Variants in NBEAL1 observed in about 807,000 individuals in gnomAD.
NBEAL1 encodes neurobeachin like 1.
NBEAL1 carries 273 observed loss-of-function variants against 351.3 expected under a neutral mutation model. That is an observed-to-expected ratio of 0.78 (90% CI 0.70 to 0.86). The LOEUF (loss-of-function observed/expected upper bound fraction) is 0.86. NBEAL1 is among the 40% of genes least tolerant of loss of function. The pLI is 0.00. For missense variants in NBEAL1, 2,961 were observed against 3,201.3 expected (o/e 0.92, Z 1.81); for synonymous variants, 1,050 against 1,086.4 (o/e 0.97, Z 0.66).
At chr2:203,044,467 C>A (rs1477323023) in intron 3 of NBEAL1, among the ~76,000 whole-genome samples, 2 of 152,130 alleles carry the variant, frequency 1.3e-5, no homozygotes, top group African/African-American at 4.8e-5. Context: ...TCTAAAGTTT[C>A]TAAGGTGCAG....
At chr2:203,053,387 T>C (rs1488624551) in intron 4 of NBEAL1, among the ~76,000 whole-genome samples, 1 of 152,222 alleles carries the variant, frequency 6.6e-6, no homozygotes, top group Admixed American at 6.5e-5. Context: ...GAAGTGTCTA[T>C]TTAGATCTTT....
chr2:203,055,516 G>A (rs960314039), intron 4 of NBEAL1, among the ~76,000 whole-genome samples: 5 of 151,906 alleles, frequency 3.3e-5, no homozygotes, highest in African/African-American at 1.2e-4. Flanking sequence ...GGGGTGGGAG[G>A]ATTGCATGAG....
At chr2:203,093,450 T>C (rs989463962) in intron 10 of NBEAL1, among the ~76,000 whole-genome samples, 1 of 152,156 alleles carries the variant, frequency 6.6e-6, no homozygotes, top group African/African-American at 2.4e-5. Flanking sequence ...TAGGCCAAAG[T>C]TTATTAAAAT....
Position 203,209,201 on chromosome 2 carries a change from A to T in NBEAL1, c.7664A>T (p.Tyr2555Phe), listed in dbSNP as rs2065701365. Residue 2555 changes from tyrosine (Y) to phenylalanine (F), a missense_variant, in exon 53 of 56, where the codon TAC becomes TTC. Coordinates refer to ENST00000683969, the MANE Select transcript of NBEAL1 (RefSeq NM_001378026.1). ...ATACATACCATTCAGAAAGGTCAGT[A>T]CATGAGGACTTTACGACCACCTTGT... ...VIIHTIQKGQYMRTLRPPCES... is the reference protein window; with the variant it reads ...VIIHTIQKGQFMRTLRPPCES... 1 of 1,613,662 alleles carries T rather than the reference A, an allele frequency of 6.2e-7. No homozygotes were observed. Among genetic ancestry groups the T allele is most frequent in the Non-Finnish European group, 8.5e-7 (1 of 1,179,688 alleles).
intron 18 of NBEAL1, among the ~76,000 whole-genome samples, chr2:203,118,399 T>C (rs1241149376): frequency 6.6e-6 from 1 of 152,212 alleles, no homozygotes; most frequent in African/African-American, 2.4e-5. Flanking sequence ...TTGAGTCTTA[T>C]ATTTTTGTTT....
chr2:203,150,508 C>T (rs2063622397), intron 34 of NBEAL1, among the ~76,000 whole-genome samples: 1 of 151,872 alleles, frequency 6.6e-6, no homozygotes, highest in Admixed American at 6.6e-5. Flanking sequence ...TGTCTTTTCA[C>T]TTTATTAATA....
rs1037464577 is a variant in NBEAL1, at chr2:203,108,092, G to A, written c.1853G>A (p.Gly618Glu). ...ISVPPIQKWP[G>E]SAFSFSAWFC... Reference sequence around the variant, plus strand: ...GTGCCTCCCATACAGAAATGGCCAGGGTCTGCCTTTTCTTTCAGTGCTTGG... The same window carrying A: ...GTGCCTCCCATACAGAAATGGCCAGAGTCTGCCTTTTCTTTCAGTGCTTGG... Residue 618 changes from glycine to glutamate, a missense_variant, in exon 14 of 56, where the codon GGG becomes GAG. Gly to Glu is a moderately conservative substitution (Grantham distance 98). Coordinates refer to ENST00000683969, the MANE Select transcript of NBEAL1 (RefSeq NM_001378026.1). 4 of 1,552,052 alleles carry A rather than the reference G, an allele frequency of 2.6e-6. No individual in the cohort carries two copies. Among genetic ancestry groups the A allele is most frequent in the African/African-American group, 2.7e-5 (2 of 73,214 alleles).
rs1212896580 is a variant in NBEAL1, at chr2:203,219,970, G to A, written c.*2616G>A. ...TTAAAAGAAGCAAACAACTATTAGT[G>A]AATAATATATTACTCATTTAAAGAG... is the stretch of plus-strand genomic sequence containing the variant. On this transcript the variant is annotated 3_prime_UTR_variant, in exon 56 of 56. Coordinates refer to ENST00000683969, the MANE Select transcript of NBEAL1 (RefSeq NM_001378026.1). 2 of 152,084 alleles carry A rather than the reference G, an allele frequency of 1.3e-5. No homozygotes were observed. The highest frequency in any genetic ancestry group is 2.9e-5 in the Non-Finnish European group (2 of 68,018). The allele number at this position is 152,084 out of a possible 1,614,324, so 9.4% of individuals were successfully genotyped here.
intron 39 of NBEAL1, 149 bp downstream of exon 39, chr2:203,170,000 C>G: frequency 1.7e-6 from 1 of 577,108 alleles, no homozygotes; most frequent in Non-Finnish European, 3.1e-6. Context: ...CCTTTGTTTC[C>G]CTCACACAGA....
rs1398215399 is a variant in NBEAL1 at position 203,221,244 on chromosome 2, T to C, written c.*3890T>C. ...ATATTGTTACTACTAAAGAGACCAC[T>C]GAGGAAATCTTGTAATTGAACTTAA... is the stretch of plus-strand genomic sequence containing the variant. On this transcript the variant is annotated 3_prime_UTR_variant, in exon 56 of 56. Coordinates refer to ENST00000683969, the MANE Select transcript of NBEAL1 (RefSeq NM_001378026.1). Among the ~76,000 whole-genome samples the C allele has an allele frequency of 1.3e-5, 2 of 152,006 alleles. No homozygotes were observed. The highest frequency in any genetic ancestry group is 4.8e-5 in the African/African-American group (2 of 41,442).
chr2:203,213,709 C>G, intron 55 of NBEAL1, 56 bp downstream of exon 55: 1 of 1,601,276 alleles, frequency 6.2e-7, no homozygotes, highest in Non-Finnish European at 8.5e-7. Context: ...TACTTTGGTT[C>G]TCCTTCATTC....
chr2:203,204,331 T>G (rs1202412841), intron 51 of NBEAL1, among the ~76,000 whole-genome samples: 22 of 148,710 alleles, frequency 1.5e-4, no homozygotes, highest in African/African-American at 4.9e-4. Flanking sequence ...TTGGTTTTTT[T>G]TTTTTTTTTT....
rs1271244746 is a variant in NBEAL1, at chr2:203,219,062, A to G, written c.*1708A>G. 1 of 152,144 alleles carries G rather than the reference A, an allele frequency of 6.6e-6. No homozygotes were observed. Among genetic ancestry groups the G allele is most frequent in the Non-Finnish European group, 1.5e-5 (1 of 68,018 alleles). The allele number at this position is 152,144 out of a possible 1,614,324, so 9.4% of individuals were successfully genotyped here. ...TGATGCATAAATGAGACTGGCATCT[A>G]TTCATTTATTTTATTCTTTTTTGGG... On this transcript the variant is annotated 3_prime_UTR_variant, in exon 56 of 56. Coordinates refer to ENST00000683969, the MANE Select transcript of NBEAL1 (RefSeq NM_001378026.1).
At chr2:203,140,164 G>C (rs751983813) in intron 31 of NBEAL1, among the ~76,000 whole-genome samples, 1 of 151,968 alleles carries the variant, frequency 6.6e-6, no homozygotes. Context: ...TTAGCCGGGC[G>C]TGCTGGCGCA....
At chr2:203,181,647 T>C (rs1221048768) in intron 43 of NBEAL1, 3 of 152,176 alleles carry the variant, frequency 2.0e-5, no homozygotes, top group African/African-American at 7.2e-5. Flanking sequence ...TAACATGTAA[T>C]GTTAGTGTTT....
intron 2 of NBEAL1, among the ~76,000 whole-genome samples, chr2:203,039,565 T>A (rs1357637903): frequency 6.6e-6 from 1 of 151,030 alleles, no homozygotes; most frequent in East Asian, 1.9e-4. Flanking sequence ...GTCTAATTTT[T>A]GTATTTTTAG....
chr2:203,164,216 C>T (rs1234711790), intron 36 of NBEAL1, among the ~76,000 whole-genome samples: 1 of 151,864 alleles, frequency 6.6e-6, no homozygotes, highest in Non-Finnish European at 1.5e-5. Flanking sequence ...TGCACCACTG[C>T]ACTCTAGCCT....
intron 12 of NBEAL1, among the ~76,000 whole-genome samples, chr2:203,103,969 A>G (rs1380660790): frequency 6.6e-6 from 1 of 152,130 alleles, no homozygotes; most frequent in Non-Finnish European, 1.5e-5. Context: ...TCGAGAGTGT[A>G]GTTGGTATGA....
chr2:203,101,646 A>G (rs1230423055), intron 12 of NBEAL1, among the ~76,000 whole-genome samples: 2 of 152,042 alleles, frequency 1.3e-5, no homozygotes, highest in East Asian at 1.9e-4. Flanking sequence ...CCCAGGTTAG[A>G]GTGTAGTGGC....
Sources: gnomAD v4.1 joint callset for allele counts (sites outside exome capture counted in the v4.1 genomes callset) on GRCh38, gnomAD v4.1.1 for gene constraint, MANE v1.5 for transcripts, NCBI Gene and HGNC (gene_info 2026-07-23, HGNC 2026-07-21) for gene names.